PLCL1: variants seen among roughly 807,000 people sequenced by gnomAD.
PLCL1 encodes phospholipase C like 1 (inactive), also known as inactive phospholipase C-like protein 1.
Under a neutral mutation model 84.4 loss-of-function variants are expected in PLCL1, and 41 were observed. That is an observed-to-expected ratio of 0.49 (90% confidence interval 0.38 to 0.63). The LOEUF (loss-of-function observed/expected upper bound fraction) is 0.63. Among genes scored for constraint, PLCL1 ranks in the 30% least tolerant of loss-of-function variants. The probability of loss-of-function intolerance (pLI) is 0.00; values close to 1 mark genes in which losing one functional copy is unlikely to be tolerated. For missense variants in PLCL1, 1,206 were observed against 1,367.8 expected, an observed-to-expected ratio of 0.88 and a Z score of 1.87; for synonymous variants, 490 against 488.3, an observed-to-expected ratio of 1.00 and a Z score of -0.05.
chr2:197,825,470 T>C (rs566468994), intron 1 of PLCL1, among the ~76,000 whole-genome samples: 6 of 152,346 alleles, frequency 3.9e-5, no homozygotes, highest in Non-Finnish European at 8.8e-5. Context: ...CAGTGTCTCC[T>C]ACCAATTCCA....
At chr2:197,829,411 T>C (rs951072068) in intron 1 of PLCL1, among the ~76,000 whole-genome samples, 18 of 152,206 alleles carry the variant, frequency 1.2e-4, no homozygotes, top group African/African-American at 2.9e-4. Flanking sequence ...TTAAAAGTAA[T>C]TCAATTGCAA....
rs890440333 is a variant in PLCL1, at chr2:198,095,027, A to T, written c.2919+5966A>T. 2.0e-5 allele frequency among the ~76,000 whole-genome samples: 3 copies of T among 152,174 alleles called. No individual in the cohort carries two copies. In the South Asian group the frequency reaches 6.2e-4, roughly 32 times the overall value. ...TCTGGCAAGTAGAAAAGGCTCTAAAAGTCGAAGGTAGAATGGATGCCTCTT... is the reference window on the plus strand; with the variant it reads ...TCTGGCAAGTAGAAAAGGCTCTAAATGTCGAAGGTAGAATGGATGCCTCTT... On this transcript the variant is annotated intron_variant, in intron 3 of 5. Coordinates refer to ENST00000428675, the MANE Select transcript of PLCL1 (RefSeq NM_006226.4).
chr2:198,040,731 T>C (rs1423802784), intron 1 of PLCL1, among the ~76,000 whole-genome samples: 1 of 152,160 alleles, frequency 6.6e-6, no homozygotes, highest in Non-Finnish European at 1.5e-5. Flanking sequence ...ATTTTCTAAT[T>C]GGAGAAAACA....
At chr2:197,913,669 A>G (rs1226936689) in intron 1 of PLCL1, among the ~76,000 whole-genome samples, 6 of 152,218 alleles carry the variant, frequency 3.9e-5, no homozygotes, top group Admixed American at 3.9e-4. Context: ...CAAATGATCA[A>G]GGAAGAAATG....
chr2:198,089,416 C>T (rs1285304634), intron 3 of PLCL1, among the ~76,000 whole-genome samples: 1 of 152,090 alleles, frequency 6.6e-6, no homozygotes, highest in Admixed American at 6.6e-5. Flanking sequence ...CTCAGTGCTG[C>T]CTTATGATGG....
chr2:198,098,752 G>A (rs1338173530), intron 3 of PLCL1, among the ~76,000 whole-genome samples: 3 of 152,136 alleles, frequency 2.0e-5, no homozygotes, highest in Non-Finnish European at 4.4e-5. Context: ...CATTGACTTT[G>A]CAATGATTCT....
intron 5 of PLCL1, among the ~76,000 whole-genome samples, chr2:198,119,745 A>G (rs1693826990): frequency 6.6e-6 from 1 of 151,954 alleles, no homozygotes; most frequent in Non-Finnish European, 1.5e-5. Context: ...CTGACTCACT[A>G]AATGTTAATG....
At chr2:197,884,883 A>C (rs1056947549) in intron 1 of PLCL1, among the ~76,000 whole-genome samples, 2 of 145,340 alleles carry the variant, frequency 1.4e-5, no homozygotes, top group African/African-American at 5.1e-5. Context: ...ATGATTTCCT[A>C]AAAAAAAAAA....
intron 1 of PLCL1, among the ~76,000 whole-genome samples, chr2:198,043,203 G>T (rs1024620780): frequency 4.6e-5 from 7 of 152,136 alleles, no homozygotes; most frequent in African/African-American, 1.7e-4. Flanking sequence ...TGGGAGGAAA[G>T]AATTTCATGG....
chr2:198,077,817 T>C (rs1171307300), intron 1 of PLCL1, among the ~76,000 whole-genome samples: 1 of 152,108 alleles, frequency 6.6e-6, no homozygotes, highest in Non-Finnish European at 1.5e-5. Flanking sequence ...CCCCTGATAT[T>C]TCATACCTCA....
chr2:197,827,546 A>G (rs1428572695), intron 1 of PLCL1, among the ~76,000 whole-genome samples: 1 of 152,162 alleles, frequency 6.6e-6, no homozygotes, highest in African/African-American at 2.4e-5. Flanking sequence ...CGACAAGAGG[A>G]TATAATCTAG....
At chr2:198,061,787 G>A (rs1490959415) in intron 1 of PLCL1, among the ~76,000 whole-genome samples, 2 of 152,080 alleles carry the variant, frequency 1.3e-5, no homozygotes, top group South Asian at 4.2e-4. Flanking sequence ...GTTTAGTAGA[G>A]ATGGGGTTTC....
chr2:198,082,663 T>TA (rs899065573), intron 1 of PLCL1, among the ~76,000 whole-genome samples: 12 of 152,114 alleles, frequency 7.9e-5, no homozygotes, highest in Admixed American at 2.0e-4. Flanking sequence ...ATACCCAGTG[T>TA]AAGTGGCATC....
At chr2:197,958,841 A>G (rs1354777393) in intron 1 of PLCL1, among the ~76,000 whole-genome samples, 4 of 151,982 alleles carry the variant, frequency 2.6e-5, no homozygotes, top group African/African-American at 9.7e-5. Flanking sequence ...CCACTCACAT[A>G]TCTAGTAAGT....
At position 198,082,542 on chromosome 2, in the gene PLCL1, G is replaced by A. The variant is rs13397178; in HGVS notation, c.241-1216G>A. On this transcript the variant is annotated intron_variant, in intron 1 of 5. Transcript: ENST00000428675. ...CTATAAAATTGGGCATGGTAAACATGCATTACGACTCTTTTGGAAAATTTG... is the reference window on the plus strand; with the variant it reads ...CTATAAAATTGGGCATGGTAAACATACATTACGACTCTTTTGGAAAATTTG... Among the ~76,000 whole-genome samples the A allele has an allele frequency of 8.7e-3, 1,328 of 152,292 alleles. 23 individuals are homozygous for A. The highest frequency in any genetic ancestry group is 0.03 in the African/African-American group (1,243 of 41,558).
At chr2:197,838,017 C>T (rs1172059189) in intron 1 of PLCL1, among the ~76,000 whole-genome samples, 1 of 152,018 alleles carries the variant, frequency 6.6e-6, no homozygotes, top group Non-Finnish European at 1.5e-5. Context: ...ATAATTTTTA[C>T]ATTCTAAAAT....
At chr2:198,126,436 A>G (rs989624161) in intron 5 of PLCL1, among the ~76,000 whole-genome samples, 1 of 152,164 alleles carries the variant, frequency 6.6e-6, no homozygotes, top group South Asian at 2.1e-4. Flanking sequence ...GCAGAAAATG[A>G]GAAAAGATGG....
At chr2:198,018,149 T>G (rs1836234) in intron 1 of PLCL1, among the ~76,000 whole-genome samples, 104,407 of 151,930 alleles carry the variant, frequency 0.69, 36,236 homozygotes, top group Middle Eastern at 0.85. Context: ...TCCCTTCCTA[T>G]CCAAGGGAAG....
At chr2:197,902,067 TG>T (rs1477942448) in intron 1 of PLCL1, among the ~76,000 whole-genome samples, 4 of 152,180 alleles carry the variant, frequency 2.6e-5, no homozygotes, top group Non-Finnish European at 5.9e-5. Context: ...GGAGATTTGT[TG>T]CTTTCAGTTA....
Sources: allele counts gnomAD v4.1 joint callset (sites outside exome capture counted in the v4.1 genomes callset), GRCh38; gene constraint gnomAD v4.1.1; transcripts MANE v1.5; gene names NCBI Gene and HGNC (gene_info 2026-07-23, HGNC 2026-07-21).